Variants in CORIN observed in about 807,000 individuals in gnomAD.
The protein encoded by CORIN is atrial natriuretic peptide-converting enzyme.
Under a neutral mutation model 125.3 loss-of-function variants are expected in CORIN, and 117 were observed. That is an observed-to-expected ratio of 0.93 (90% CI 0.80 to 1.09). CORIN has a LOEUF of 1.09. CORIN is among the 50% of genes least tolerant of loss of function. The probability of loss-of-function intolerance (pLI) is 0.00; values close to 1 mark genes in which losing one functional copy is unlikely to be tolerated. For synonymous variants in CORIN, 450 were observed against 466.4 expected, an observed-to-expected ratio of 0.96 and a Z score of 0.45; for missense variants, 1,253 against 1,306.7, an observed-to-expected ratio of 0.96 and a Z score of 0.63.
chr4:47,832,351 A>T (rs1733066481), intron 1 of CORIN, among the ~76,000 whole-genome samples: 1 of 152,208 alleles, frequency 6.6e-6, no homozygotes, highest in Non-Finnish European at 1.5e-5. Flanking sequence ...TGATTCTGCT[A>T]TAGGAAACCA....
chr4:47,653,690 C>T (rs1364627898), intron 12 of CORIN, 30 bp from the exon 13 acceptor site: 1 of 1,561,206 alleles, frequency 6.4e-7, no homozygotes, highest in Non-Finnish European at 8.8e-7. Flanking sequence ...TGTTAAAGGG[C>T]TGAAAACCCA....
intron 1 of CORIN, among the ~76,000 whole-genome samples, chr4:47,827,111 T>C (rs1441758919): frequency 4.6e-5 from 7 of 152,324 alleles, no homozygotes; most frequent in Non-Finnish European, 8.8e-5. Context: ...TATATTTCTA[T>C]TGGAGCAGTC....
chr4:47,744,671 T>G (rs1263077548), intron 4 of CORIN, 88 bp from the exon 5 acceptor site: 1 of 1,246,942 alleles, frequency 8.0e-7, no homozygotes, highest in Admixed American at 2.4e-5. Flanking sequence ...AGCCCCTGTG[T>G]TGTGATATTA....
intron 1 of CORIN, among the ~76,000 whole-genome samples, chr4:47,826,704 A>C (rs1374655341): frequency 1.3e-5 from 2 of 152,186 alleles, no homozygotes; most frequent in Admixed American, 6.5e-5. Flanking sequence ...ATTTAATTAC[A>C]TTTGCAAAGT....
intron 16 of CORIN, among the ~76,000 whole-genome samples, chr4:47,632,726 G>GATAGATAGAT (rs1491500262): frequency 1.3e-4 from 1 of 7,912 alleles, no homozygotes; most frequent in East Asian, 2.8e-3. Context: ...GACAATAGAT[G>GATAGATAGAT]ATAGATAGAT....
chr4:47,714,801 T>C (rs1434693523), intron 5 of CORIN, among the ~76,000 whole-genome samples: 1 of 152,214 alleles, frequency 6.6e-6, no homozygotes, highest in African/African-American at 2.4e-5. Flanking sequence ...AGTTAACAGA[T>C]TTTTTAGCTA....
rs527682389 is a variant in CORIN, at chr4:47,615,886, T to G, written c.2540+7685A>C. Among the ~76,000 whole-genome samples the G allele has an allele frequency of 4.6e-5, 7 of 152,322 alleles. No homozygotes were observed. In the South Asian group the frequency reaches 1.4e-3, roughly 32 times the overall value. On this transcript the variant is annotated intron_variant, in intron 19 of 21. Coordinates refer to ENST00000273857, the MANE Select transcript of CORIN (RefSeq NM_006587.4). Reference sequence around the variant, plus strand: ...GATTATAGCATTAGGATGGGAGAGATGCTTGGCTTCCACTTTTTTGGAAGA... The same window carrying G: ...GATTATAGCATTAGGATGGGAGAGAGGCTTGGCTTCCACTTTTTTGGAAGA...
In CORIN at chr4:47,808,086, A is replaced by G. The variant is rs114305083; in HGVS notation, c.64-1039T>C. 9.7e-3 allele frequency among the ~76,000 whole-genome samples: 1,481 copies of G among 152,242 alleles called. 14 individuals are homozygous for G. Among genetic ancestry groups the G allele is most frequent in the African/African-American group, 0.034 (1,397 of 41,534 alleles). ...AGCGTCTCTTTTTAACAAGTCCAAAATTAAGACGAACCTTCTCTCTCTCTA... is the reference window on the plus strand; with the variant it reads ...AGCGTCTCTTTTTAACAAGTCCAAAGTTAAGACGAACCTTCTCTCTCTCTA... On this transcript the variant is annotated intron_variant, in intron 1 of 21. Transcript: ENST00000273857.
chr4:47,757,864 ATACATATATATATG>A (rs1345501439), intron 4 of CORIN, among the ~76,000 whole-genome samples: 40 of 110,642 alleles, frequency 3.6e-4, no homozygotes, highest in Admixed American at 1.6e-3. Context: ...ACACATATAT[ATACATATATATATG>A]TATATATATA....
intron 19 of CORIN, among the ~76,000 whole-genome samples, chr4:47,614,353 G>T (rs542153887): frequency 6.6e-6 from 1 of 152,054 alleles, no homozygotes; most frequent in Non-Finnish European, 1.5e-5. Flanking sequence ...CCACCACCAT[G>T]CCTGGCTAAT....
In CORIN at chr4:47,614,616, G is replaced by A. The variant is rs1365348955; in HGVS notation, c.2540+8955C>T. On this transcript the variant is annotated intron_variant, in intron 19 of 21. Coordinates refer to ENST00000273857, the MANE Select transcript of CORIN (RefSeq NM_006587.4). ...CATTGGAAATGGTGAATTGATGTGC[G>A]GTCCAAGGCATGGGAGGAGCTGGTG... Among the ~76,000 whole-genome samples, 6 of 152,264 alleles carry A rather than the reference G, an allele frequency of 3.9e-5. No individual in the cohort carries two copies. The East Asian group carries it at 7.7e-4, about 20-fold the overall frequency.
At chr4:47,805,780 T>G (rs1181742927) in intron 2 of CORIN, among the ~76,000 whole-genome samples, 1 of 152,222 alleles carries the variant, frequency 6.6e-6, no homozygotes, top group Non-Finnish European at 1.5e-5. Context: ...CTTTATAAGA[T>G]CTAAGTGTGT....
intron 6 of CORIN, 38 bp downstream of exon 6, chr4:47,692,932 T>G: frequency 6.9e-7 from 1 of 1,447,950 alleles, no homozygotes; most frequent in Non-Finnish European, 9.7e-7. Context: ...TGAGAATCCC[T>G]GTCCACTCAG....
rs1386222999 is a variant in CORIN at position 47,595,289 on chromosome 4, AT to A, written c.*431del. On this transcript the variant is annotated 3_prime_UTR_variant, in exon 22 of 22. Coordinates refer to ENST00000273857, the MANE Select transcript of CORIN (RefSeq NM_006587.4). ...GCAAGTCTCCAATGTTAACACTGAA[AT>A]TTACCACTATGCACTGAGCTTGAGA... The A allele has an allele frequency of 6.6e-6, 1 of 152,640 alleles. No homozygotes were observed. The allele number at this position is 152,640 out of a possible 1,614,324, so 9.5% of individuals were successfully genotyped here.
intron 12 of CORIN, among the ~76,000 whole-genome samples, chr4:47,661,019 G>A (rs931337156): frequency 2.6e-5 from 4 of 151,678 alleles, no homozygotes; most frequent in African/African-American, 9.8e-5. Flanking sequence ...AGATCCTGTC[G>A]TTTGCAACAA....
chr4:47,618,929 C>T (rs992236005), intron 19 of CORIN, among the ~76,000 whole-genome samples: 1 of 152,022 alleles, frequency 6.6e-6, no homozygotes, highest in East Asian at 1.9e-4. Context: ...GATTGAAGAG[C>T]TGCTGTGAAG....
intron 5 of CORIN, among the ~76,000 whole-genome samples, chr4:47,731,084 A>T (rs1727852451): frequency 6.6e-6 from 1 of 152,188 alleles, no homozygotes. Context: ...TCAGGTATGG[A>T]GTGAAAGAGA....
At chr4:47,612,792 A>G (rs1721920537) in intron 19 of CORIN, among the ~76,000 whole-genome samples, 1 of 152,232 alleles carries the variant, frequency 6.6e-6, no homozygotes. Context: ...GGATGGATGG[A>G]GACTCTTGTG....
chr4:47,794,468 A>G (rs1731207487), intron 2 of CORIN, among the ~76,000 whole-genome samples: 1 of 152,202 alleles, frequency 6.6e-6, no homozygotes. Flanking sequence ...GAAGCCACAC[A>G]TACATTTTCC....
Sources: gnomAD v4.1 joint callset for allele counts (sites outside exome capture counted in the v4.1 genomes callset) on GRCh38, gnomAD v4.1.1 for gene constraint, MANE v1.5 for transcripts, NCBI Gene and HGNC (gene_info 2026-07-23, HGNC 2026-07-21) for gene names.